Variants in ZNF473 observed in about 807,000 individuals in gnomAD.
The protein encoded by ZNF473 is zinc finger protein 100 homolog.
In ZNF473, 4 loss-of-function variants were observed where a neutral mutation model predicts 11.1. The observed-to-expected ratio is 0.36, with a 90% CI of 0.18 to 0.82. The LOEUF (loss-of-function observed/expected upper bound fraction) is 0.82, where lower values mean the gene tolerates loss of function less well. ZNF473 is among the 40% of genes least tolerant of loss of function. The probability of loss-of-function intolerance (pLI) is 0.49; values close to 1 mark genes in which losing one functional copy is unlikely to be tolerated. For missense variants in ZNF473, 854 were observed against 1,084.0 expected (o/e 0.79, Z 2.98); for synonymous variants, 404 against 390.4 (o/e 1.03, Z -0.41).
At chr19:50,038,185 A>G (rs1978571499) in intron 2 of ZNF473, among the ~76,000 whole-genome samples, 1 of 136,548 alleles carries the variant, frequency 7.3e-6, no homozygotes, top group South Asian at 2.1e-4. Context: ...AATTTTATAA[A>G]TTTATAAATT....
At position 50,045,681 on chromosome 19, in the gene ZNF473, G is replaced by C. The variant is rs777304537; in HGVS notation, c.1238G>C (p.Arg413Thr). The change falls in exon 5 of 5, where the codon AGG becomes ACG. Residue 413 changes from arginine (R) to threonine (T), a missense_variant. Physicochemically the swap from Arg to Thr is moderately conservative, Grantham distance 71 (BLOSUM62 -1). Coordinates refer to ENST00000270617, the MANE Select transcript of ZNF473 (RefSeq NM_015428.4). The stretch of plus-strand genomic sequence containing the variant: ...TGTAACGAACGTGGGAAATCCTTCA[G>C]GCATAACTCTACCCTAAAGATCCAT... The part of the protein sequence containing the change: ...YKCNERGKSF[R>T]HNSTLKIHQR... The C allele has an allele frequency of 3.1e-6, 5 of 1,614,134 alleles. No homozygotes were observed. Among genetic ancestry groups the C allele is most frequent in the Non-Finnish European group, 2.5e-6 (3 of 1,180,024 alleles).
chr19:50,038,967 A>T (rs2122831086), intron 2 of ZNF473, among the ~76,000 whole-genome samples, 194 bp from the exon 3 acceptor site: 1 of 152,288 alleles, frequency 6.6e-6, no homozygotes, highest in South Asian at 2.1e-4. Flanking sequence ...CCCTGGTCAA[A>T]GTCAAGGTCC....
chr19:50,034,656 T>A (rs1478218406), intron 2 of ZNF473, among the ~76,000 whole-genome samples: 1 of 152,222 alleles, frequency 6.6e-6, no homozygotes, highest in Non-Finnish European at 1.5e-5. Flanking sequence ...CTTCTGTGTC[T>A]CTTAATCTTT....
Position 50,046,844 on chromosome 19 carries a change from C to T in ZNF473, c.2401C>T (p.Leu801=), listed in dbSNP as rs747559853. The T allele has an allele frequency of 6.2e-7, 1 of 1,614,182 alleles. No individual in the cohort carries two copies. The highest frequency in any genetic ancestry group is 1.3e-5 in the African/African-American group (1 of 75,012). ...CGKAFAQKAN[L]TQHQRIHTGE... ...GAAAGCCTTTGCCCAGAAAGCAAAT[C>T]TAACACAGCACCAGAGAATTCACAC... is the stretch of plus-strand genomic sequence containing the variant. The change falls in exon 5 of 5, where the codon CTA becomes TTA. Residue 801 remains leucine (L), a synonymous_variant. Coordinates refer to ENST00000270617, the MANE Select transcript of ZNF473 (RefSeq NM_015428.4). This position sits in a 1 kb window ranked among gnomAD's most constrained non-coding sequence, Gnocchi z 5.9.
rs760965960 is a variant in ZNF473 at position 50,045,966 on chromosome 19, T to C, written c.1523T>C (p.Met508Thr). 2 of 1,613,936 alleles carry C rather than the reference T, an allele frequency of 1.2e-6. No homozygotes were observed. The highest frequency in any genetic ancestry group is 1.7e-6 in the Non-Finnish European group (2 of 1,180,032). Residue 508 changes from methionine to threonine, a missense_variant, in exon 5 of 5, where the codon ATG (methionine) becomes ACG (threonine). Around this residue, in one of 2 missense-constraint regions of ZNF473, gnomAD observed 668 missense variants for 790.2 expected, o/e 0.85. Transcript: ENST00000270617. ...DNNRLVQHQK[M>T]HTVKTPYECQ... ...AATCGCCTTGTGCAACACCAGAAAA[T>C]GCACACTGTCAAAACCCCATATGAA...
At chr19:50,029,085 A>C (rs1265140029) in intron 1 of ZNF473, among the ~76,000 whole-genome samples, 6 of 152,104 alleles carry the variant, frequency 3.9e-5, no homozygotes, top group African/African-American at 1.4e-4. Flanking sequence ...CTCTAGGGTA[A>C]AGTGTTCAAT....
intron 4 of ZNF473, among the ~76,000 whole-genome samples, chr19:50,043,020 G>T (rs73932405): frequency 0.052 from 7,986 of 152,186 alleles, 688 homozygotes; most frequent in African/African-American, 0.18. Flanking sequence ...AACTGCACAA[G>T]GGACAGGCTG....
At chr19:50,031,123 C>T (rs1216455433) in intron 2 of ZNF473, 32 bp downstream of exon 2, 2 of 1,561,562 alleles carry the variant, frequency 1.3e-6, no homozygotes, top group Non-Finnish European at 1.7e-6. Context: ...CCTAATCGGT[C>T]ACACCCAAAG....
chr19:50,034,388 G>A (rs1304199005), intron 2 of ZNF473, among the ~76,000 whole-genome samples: 1 of 152,056 alleles, frequency 6.6e-6, no homozygotes, highest in Non-Finnish European at 1.5e-5. Context: ...ATGCTGTTTA[G>A]TATATGCCTA....
Position 50,046,058 on chromosome 19 carries a change from A to C in ZNF473, c.1615A>C (p.Arg539=). ...TLKCHESVHA[R]EKQGFFVSGK... Reference sequence around the variant, plus strand: ...GAAGTGCCACGAGAGTGTTCACGCCAGAGAAAAACAAGGATTTTTTGTGAG... The same window carrying C: ...GAAGTGCCACGAGAGTGTTCACGCCCGAGAAAAACAAGGATTTTTTGTGAG... The change falls in exon 5 of 5, where the codon AGA becomes CGA. Residue 539 remains arginine, a synonymous_variant. Transcript: ENST00000270617. This position sits in a 1 kb window ranked among gnomAD's most constrained non-coding sequence, Gnocchi z 5.9. 1.2e-6 allele frequency: 2 copies of C among 1,614,252 alleles called. No homozygotes were observed. Among genetic ancestry groups the C allele is most frequent in the Non-Finnish European group, 1.7e-6 (2 of 1,180,046 alleles).
At chr19:50,035,825 A>T (rs1978399477) in intron 2 of ZNF473, among the ~76,000 whole-genome samples, 1 of 152,142 alleles carries the variant, frequency 6.6e-6, no homozygotes, top group Admixed American at 6.5e-5. Context: ...GTAGAACTAG[A>T]ATTTGAACTG....
intron 2 of ZNF473, among the ~76,000 whole-genome samples, chr19:50,036,117 C>T (rs1978422420): frequency 6.6e-6 from 1 of 151,704 alleles, no homozygotes; most frequent in Admixed American, 6.6e-5. Flanking sequence ...CTACCACGCC[C>T]AGCTAATCTT....
intron 2 of ZNF473, among the ~76,000 whole-genome samples, chr19:50,038,709 A>T (rs1978606443): frequency 6.6e-6 from 1 of 152,186 alleles, no homozygotes; most frequent in Non-Finnish European, 1.5e-5. Context: ...CAGATTTTGA[A>T]TGTGGTCTAG....
intron 4 of ZNF473, 89 bp downstream of exon 4, chr19:50,041,908 G>A (rs1023216499): frequency 1.0e-5 from 11 of 1,055,204 alleles, no homozygotes; most frequent in Admixed American, 2.4e-5. Context: ...CAGGTCTACC[G>A]AGACATTACA....
chr19:50,028,766 C>T (rs1278886155), intron 1 of ZNF473, among the ~76,000 whole-genome samples: 1 of 152,096 alleles, frequency 6.6e-6, no homozygotes, highest in Non-Finnish European at 1.5e-5. Flanking sequence ...GACTAGTGAG[C>T]CATGCTTGAA....
At position 50,048,573 on chromosome 19, in the gene ZNF473, C is replaced by T. The variant is rs1296592880; in HGVS notation, c.*1514C>T. On this transcript the variant is annotated 3_prime_UTR_variant, in exon 5 of 5. Transcript: ENST00000270617. ...CCCGTCCTCTGGAGCTCTGTCTTGT[C>T]GGGGAGATGGGCATGTTGTATACCA... 1 of 152,116 alleles carries T rather than the reference C, an allele frequency of 6.6e-6. No individual in the cohort carries two copies. Among genetic ancestry groups the T allele is most frequent in the Non-Finnish European group, 1.5e-5 (1 of 68,038 alleles). 9.4% of individuals were successfully genotyped at this position (152,116 alleles called of 1,614,324 possible).
At chr19:50,042,069 GCTC>G (rs1978808970) in intron 4 of ZNF473, 1 of 303,778 alleles carries the variant, frequency 3.3e-6, no homozygotes, top group African/African-American at 2.2e-5. Context: ...CCTCTCCACA[GCTC>G]CTCCTCTTTC....
chr19:50,034,959 G>A (rs1053334706), intron 2 of ZNF473, among the ~76,000 whole-genome samples: 4 of 152,070 alleles, frequency 2.6e-5, no homozygotes, highest in African/African-American at 4.8e-5. Flanking sequence ...GCAAAATGGC[G>A]CTATCATTTC....
intron 1 of ZNF473, among the ~76,000 whole-genome samples, chr19:50,030,451 T>A (rs2077311798): frequency 6.6e-6 from 1 of 152,086 alleles, no homozygotes; most frequent in African/African-American, 2.4e-5. Context: ...ACAGCTGCAG[T>A]GGCCCATGAT....
Sources: allele counts gnomAD v4.1 joint callset (sites outside exome capture counted in the v4.1 genomes callset), GRCh38; gene constraint gnomAD v4.1.1; regional missense constraint gnomAD v4.1.1; non-coding constraint Gnocchi (gnomAD v3.1); transcripts MANE v1.5; gene names NCBI Gene and HGNC (gene_info 2026-07-23, HGNC 2026-07-21).